FOLH1: variants seen among roughly 807,000 people sequenced by gnomAD.
FOLH1 encodes the protein glutamate carboxypeptidase 2.
FOLH1 carries 54 observed loss-of-function variants against 93.9 expected under a neutral mutation model. The observed-to-expected ratio is 0.57, with a 90% CI of 0.46 to 0.72. FOLH1 has a LOEUF of 0.72. Among genes scored for constraint, FOLH1 ranks in the 30% least tolerant of loss-of-function variants. The probability of loss-of-function intolerance (pLI) is 0.00; values close to 1 mark genes in which losing one functional copy is unlikely to be tolerated. For missense variants in FOLH1, 571 were observed against 892.5 expected (o/e 0.64, Z 4.59); for synonymous variants, 249 against 303.6 (o/e 0.82, Z 1.87).
intron 16 of FOLH1, 22 bp downstream of exon 16, chr11:49,154,206 T>C: frequency 6.2e-7 from 1 of 1,611,168 alleles, no homozygotes; most frequent in South Asian, 1.1e-5. Context: ...ATGAGGAATT[T>C]GAAAAAGGAA....
rs1590384090 is a variant in FOLH1 at position 49,146,245 on chromosome 11, A to G, written c.*511T>C. Among the ~76,000 whole-genome samples the G allele has an allele frequency of 6.6e-6, 1 of 152,316 alleles. No individual in the cohort carries two copies. The highest frequency in any genetic ancestry group is 3.4e-3 in the Middle Eastern group (1 of 294). On this transcript the variant is annotated 3_prime_UTR_variant, in exon 19 of 19. Coordinates refer to ENST00000256999, the MANE Select transcript of FOLH1 (RefSeq NM_004476.3). ...TAGCCTTTTATATAAATAAAAAATA[A>G]TTATTTCTTATGCTATAGAGTGATA... is the stretch of plus-strand genomic sequence containing the variant.
intron 7 of FOLH1, among the ~76,000 whole-genome samples, chr11:49,181,107 ATTTT>A (rs35889777): frequency 7.5e-6 from 1 of 133,304 alleles, no homozygotes; most frequent in Admixed American, 7.8e-5. Context: ...CATGTTTTAA[ATTTT>A]TTTTTTTTTT....
At chr11:49,208,173 A>T (rs967536545) in intron 1 of FOLH1, 119 bp downstream of exon 1, 1 of 745,618 alleles carries the variant, frequency 1.3e-6, no homozygotes, top group Non-Finnish European at 2.2e-6. Flanking sequence ...CCCCGACCCT[A>T]ATCGCCGCCC....
chr11:49,175,011 A>G (rs766415900), intron 8 of FOLH1, 34 bp from the exon 9 acceptor site: 25 of 1,596,150 alleles, frequency 1.6e-5, no homozygotes, highest in Non-Finnish European at 2.1e-5. Flanking sequence ...CTTAAAAAAA[A>G]AAACTGGTTA....
intron 4 of FOLH1, among the ~76,000 whole-genome samples, chr11:49,190,353 A>C (rs1400175244): frequency 6.6e-6 from 1 of 151,770 alleles, no homozygotes; most frequent in Non-Finnish European, 1.5e-5. Flanking sequence ...GCAAGTTGTC[A>C]CTGTTAGAAA....
intron 7 of FOLH1, among the ~76,000 whole-genome samples, chr11:49,180,118 A>G (rs755124403): frequency 6.6e-6 from 1 of 152,084 alleles, no homozygotes; most frequent in African/African-American, 2.4e-5. Context: ...TCAGACATCA[A>G]TTTGGGCCCC....
intron 13 of FOLH1, chr11:49,162,776 CT>C (rs1434797108): frequency 2.7e-5 from 4 of 150,496 alleles, no homozygotes; most frequent in Admixed American, 6.6e-5. Context: ...GGAGCTTGTC[CT>C]TTTTTTTCTT....
intron 11 of FOLH1, 68 bp from the exon 12 acceptor site, chr11:49,169,326 T>A: frequency 6.9e-7 from 1 of 1,447,944 alleles, no homozygotes; most frequent in African/African-American, 1.4e-5. Flanking sequence ...AAAATGCACA[T>A]CTACATTTAA....
chr11:49,150,419 C>A lies in FOLH1; in HGVS notation c.1971-1688G>T, dbSNP rs2134855481. On this transcript the variant is annotated intron_variant, in intron 17 of 18. Coordinates refer to ENST00000256999, the MANE Select transcript of FOLH1 (RefSeq NM_004476.3). Reference sequence around the variant, plus strand: ...ACATTGGCATAATTAACTGATCAACCCAGATATACAAATATAGGCAAGATT... The same window carrying A: ...ACATTGGCATAATTAACTGATCAACACAGATATACAAATATAGGCAAGATT... 2.0e-5 allele frequency among the ~76,000 whole-genome samples: 3 copies of A among 152,012 alleles called. No homozygotes were observed. In the East Asian group the frequency reaches 5.8e-4, roughly 29 times the overall value.
At chr11:49,149,807 A>C (rs2134848560) in intron 17 of FOLH1, among the ~76,000 whole-genome samples, 1 of 152,318 alleles carries the variant, frequency 6.6e-6, no homozygotes, top group South Asian at 2.1e-4. Flanking sequence ...TTTTAATGAA[A>C]TCATTTTATG....
At chr11:49,190,374 T>C (rs956812014) in intron 4 of FOLH1, among the ~76,000 whole-genome samples, 3 of 152,218 alleles carry the variant, frequency 2.0e-5, no homozygotes, top group African/African-American at 7.2e-5. Flanking sequence ...AGAGCTTTGT[T>C]TTTAGACAAA....
At chr11:49,207,547 G>A (rs1864114277) in intron 1 of FOLH1, among the ~76,000 whole-genome samples, 1 of 152,128 alleles carries the variant, frequency 6.6e-6, no homozygotes, top group Admixed American at 6.5e-5. Context: ...CCAATGAGGA[G>A]TATCTTGGTA....
chr11:49,182,739 G>C (rs925105886), intron 7 of FOLH1, among the ~76,000 whole-genome samples: 5 of 152,158 alleles, frequency 3.3e-5, no homozygotes, highest in Non-Finnish European at 5.9e-5. Flanking sequence ...GGCTATCAAG[G>C]AGTCCCTGGG....
intron 16 of FOLH1, 99 bp from the exon 17 acceptor site, chr11:49,154,026 T>C (rs1422856906): frequency 9.8e-6 from 13 of 1,322,030 alleles, no homozygotes; most frequent in African/African-American, 8.9e-5. Context: ...AGCCATCATC[T>C]TTTGTGTTTT....
chr11:49,195,449 T>C (rs1426388813), intron 3 of FOLH1, among the ~76,000 whole-genome samples: 2 of 152,066 alleles, frequency 1.3e-5, no homozygotes, highest in Admixed American at 6.6e-5. Flanking sequence ...CTCTAAATAC[T>C]CATAATAGAA....
chr11:49,174,153 G>A (rs533272040), intron 9 of FOLH1, among the ~76,000 whole-genome samples: 5 of 152,034 alleles, frequency 3.3e-5, no homozygotes, highest in African/African-American at 1.2e-4. Context: ...ATAGGTACTC[G>A]GTATTATTCA....
At chr11:49,153,105 A>T (rs1032711807) in intron 17 of FOLH1, among the ~76,000 whole-genome samples, 22 of 152,058 alleles carry the variant, frequency 1.4e-4, no homozygotes, top group Non-Finnish European at 2.1e-4. Flanking sequence ...TTATATCATG[A>T]TACTATATTT....
intron 8 of FOLH1, among the ~76,000 whole-genome samples, chr11:49,175,304 G>A (rs1242188222): frequency 2.6e-5 from 4 of 152,058 alleles, no homozygotes; most frequent in Non-Finnish European, 5.9e-5. Flanking sequence ...CAAAGAGCAG[G>A]CAATAGTTTA....
Position 49,185,808 on chromosome 11 carries a change from G to A in FOLH1, c.687C>T (p.Ser229=), listed in dbSNP as rs755973727. 80 of 1,600,380 alleles carry A rather than the reference G, an allele frequency of 5.0e-5. No individual in the cohort carries two copies. Among genetic ancestry groups the A allele is most frequent in the Admixed American group, 5.2e-5 (3 of 57,180 alleles). The part of the protein sequence containing the change: ...LAGAKGVILY[S]DPADYFAPGV... ...CAGGAGCAAAGTAGTCAGCAGGGTC[G>A]GAGTAGAGAATGACTCCTTTGGCCC... The change falls in exon 6 of 19, where the codon TCC becomes TCT. Residue 229 remains serine (S), a synonymous_variant. Transcript: ENST00000256999.
Sources: allele counts gnomAD v4.1 joint callset (sites outside exome capture counted in the v4.1 genomes callset), GRCh38; gene constraint gnomAD v4.1.1; transcripts MANE v1.5; gene names NCBI Gene and HGNC (gene_info 2026-07-23, HGNC 2026-07-21).